Variants in FLI1 observed in about 807,000 individuals in gnomAD.
The protein encoded by FLI1 is Fli-1 proto-oncogene, ETS transcription factor, also known as Friend leukemia integration 1 transcription factor.
Under a neutral mutation model 53.1 loss-of-function variants are expected in FLI1, and 13 were observed. That is an observed-to-expected ratio of 0.24 (90% CI 0.16 to 0.39). FLI1 has a LOEUF of 0.39. Ranked by LOEUF, FLI1 falls within the 10% of genes least tolerant of loss-of-function variation. The pLI is 1.00. For synonymous variants in FLI1, 244 were observed against 236.7 expected (o/e 1.03, Z -0.28); for missense variants, 424 against 600.5 (o/e 0.71, Z 3.07).
At chr11:128,772,053 C>G (rs937521840) in intron 3 of FLI1, among the ~76,000 whole-genome samples, 1 of 145,696 alleles carries the variant, frequency 6.9e-6, no homozygotes, top group Non-Finnish European at 1.6e-5. Context: ...CACACACACA[C>G]ACACACACAC....
intron 5 of FLI1, among the ~76,000 whole-genome samples, chr11:128,798,517 C>A (rs1942512131): frequency 6.6e-6 from 1 of 152,002 alleles, no homozygotes; most frequent in South Asian, 2.1e-4. Context: ...TCTTTTTTTC[C>A]CTTTGCCCAT....
At chr11:128,754,235 ATGTGTGTGTGTG>A (rs57171401) in intron 1 of FLI1, among the ~76,000 whole-genome samples, 218 of 145,784 alleles carry the variant, frequency 1.5e-3, no homozygotes, top group African/African-American at 3.8e-3. Context: ...TAGAAGGGGG[ATGTGTGTGTGTG>A]TGTGTGTGTG....
chr11:128,789,688 TTG>T (rs1358925464), intron 5 of FLI1, among the ~76,000 whole-genome samples: 6 of 152,178 alleles, frequency 3.9e-5, no homozygotes, highest in Admixed American at 2.6e-4. Flanking sequence ...TTTGGCAGCC[TTG>T]TGTGTGTGTC....
intron 1 of FLI1, among the ~76,000 whole-genome samples, chr11:128,700,333 G>A (rs1483033685): frequency 6.6e-6 from 1 of 152,202 alleles, no homozygotes; most frequent in East Asian, 1.9e-4. Flanking sequence ...ACAGATCTGG[G>A]TTTCAAGCCC....
In FLI1 at chr11:128,812,873, A is replaced by G. The variant is rs1483401505; in HGVS notation, c.*1885A>G. 2 of 114,616 alleles carry G rather than the reference A, an allele frequency of 1.7e-5. 1 individual carries two copies. Among genetic ancestry groups the G allele is most frequent in the Non-Finnish European group, 4.2e-5 (2 of 47,300 alleles). The allele number at this position is 114,616 out of a possible 1,614,324, so 7.1% of individuals were successfully genotyped here. ...AAGGTCATTTTTCTTCCCAAGGAAG[A>G]AACTTGCCTCCAGTTCCTTCACTGT... On this transcript the variant is annotated 3_prime_UTR_variant, in exon 9 of 9. Transcript: ENST00000527786.
intron 7 of FLI1, among the ~76,000 whole-genome samples, chr11:128,807,504 C>T (rs191336366): frequency 4.1e-4 from 63 of 152,180 alleles, no homozygotes; most frequent in East Asian, 3.9e-3. Flanking sequence ...AACTGAGGCC[C>T]GGGGAGGTGA....
At chr11:128,722,788 G>A (rs560056333) in intron 1 of FLI1, among the ~76,000 whole-genome samples, 50 of 152,282 alleles carry the variant, frequency 3.3e-4, no homozygotes, top group African/African-American at 8.4e-4. Flanking sequence ...CAGAAAAGCC[G>A]TGCGGAAACA....
intron 5 of FLI1, among the ~76,000 whole-genome samples, chr11:128,801,794 C>T (rs1020833875): frequency 1.3e-5 from 2 of 152,210 alleles, no homozygotes; most frequent in African/African-American, 4.8e-5. Flanking sequence ...TCTACTAACT[C>T]TGTGTGGGGC....
At chr11:128,737,016 C>T (rs771746307) in intron 1 of FLI1, among the ~76,000 whole-genome samples, 2 of 152,138 alleles carry the variant, frequency 1.3e-5, no homozygotes, top group East Asian at 3.8e-4. Flanking sequence ...CAAACATTTT[C>T]AAAAAGATGT....
chr11:128,688,821 T>C (rs1025301442), intron 1 of FLI1, among the ~76,000 whole-genome samples: 1 of 152,188 alleles, frequency 6.6e-6, no homozygotes, highest in Non-Finnish European at 1.5e-5. Context: ...CGCAACGACA[T>C]TCATAGCTAC....
chr11:128,695,423 G>A (rs755102179), intron 1 of FLI1, among the ~76,000 whole-genome samples: 1 of 152,172 alleles, frequency 6.6e-6, no homozygotes, highest in Non-Finnish European at 1.5e-5. Context: ...TTAGGCTGGC[G>A]AGGTGGGGAC....
rs748125005 is a variant in FLI1 at position 128,757,084 on chromosome 11, C to A, written c.19-1031C>A. Among the ~76,000 whole-genome samples the A allele has an allele frequency of 4.7e-5, 7 of 149,088 alleles. 1 individual carries two copies. Among genetic ancestry groups the A allele is most frequent in the African/African-American group, 1.5e-4 (6 of 39,940 alleles). ...TCTTTCTTTCTTTCTTTCTTTCTTT[C>A]TTTCTTTCTTTCTTTCTTTCTTTCT... On this transcript the variant is annotated intron_variant, in intron 1 of 8. Transcript: ENST00000527786.
intron 5 of FLI1, among the ~76,000 whole-genome samples, chr11:128,789,371 G>T (rs181518919): frequency 1.3e-5 from 2 of 152,296 alleles, no homozygotes; most frequent in Admixed American, 1.3e-4. Flanking sequence ...GGAGCGGAGA[G>T]CCAGGGACTT....
At chr11:128,767,017 G>C (rs1941368192) in intron 2 of FLI1, among the ~76,000 whole-genome samples, 1 of 152,020 alleles carries the variant, frequency 6.6e-6, no homozygotes, top group Admixed American at 6.6e-5. Flanking sequence ...AGCGGGCACT[G>C]GGTGTGACAG....
chr11:128,737,231 C>T (rs887454319), intron 1 of FLI1, among the ~76,000 whole-genome samples: 1 of 152,158 alleles, frequency 6.6e-6, no homozygotes, highest in Non-Finnish European at 1.5e-5. Context: ...TCATCCACTC[C>T]CTCATCTGTA....
chr11:128,744,109 A>T (rs1940267314), intron 1 of FLI1, among the ~76,000 whole-genome samples: 1 of 152,200 alleles, frequency 6.6e-6, no homozygotes, highest in Non-Finnish European at 1.5e-5. Context: ...TAGAAGGGAG[A>T]GCAAAGATGA....
intron 1 of FLI1, among the ~76,000 whole-genome samples, chr11:128,694,662 G>T (rs1377790253): frequency 6.6e-6 from 1 of 152,008 alleles, no homozygotes; most frequent in African/African-American, 2.4e-5. Context: ...TGGCCCCAGC[G>T]CTAGGCACTG....
intron 2 of FLI1, among the ~76,000 whole-genome samples, chr11:128,765,176 C>T (rs915711123): frequency 2.0e-5 from 3 of 152,314 alleles, no homozygotes; most frequent in Admixed American, 6.5e-5. Flanking sequence ...TCCTCCTCTG[C>T]GTCCACTTTC....
chr11:128,783,806 G>A (rs959304035), intron 5 of FLI1, among the ~76,000 whole-genome samples: 14 of 152,156 alleles, frequency 9.2e-5, no homozygotes, highest in African/African-American at 3.4e-4. Flanking sequence ...CACATTGCGA[G>A]GGCTCAAGAG....
Sources: gnomAD v4.1 joint callset for allele counts (sites outside exome capture counted in the v4.1 genomes callset) on GRCh38, gnomAD v4.1.1 for gene constraint, MANE v1.5 for transcripts, NCBI Gene and HGNC (gene_info 2026-07-23, HGNC 2026-07-21) for gene names.